The following BUB1 variants were observed in gnomAD, a reference collection of about 807,000 sequenced individuals.
The protein encoded by BUB1 is BUB1 mitotic checkpoint serine/threonine kinase, also known as mitotic checkpoint serine/threonine-protein kinase BUB1.
BUB1 carries 84 observed loss-of-function variants against 135.2 expected under a neutral mutation model. The observed-to-expected ratio is 0.62, with a 90% confidence interval of 0.52 to 0.74. The LOEUF is 0.74. BUB1 is among the 30% of genes least tolerant of loss of function. BUB1 has a pLI of 0.00. For missense variants in BUB1, 1,162 were observed against 1,288.3 expected (o/e 0.90, Z 1.50); for synonymous variants, 403 against 434.4 (o/e 0.93, Z 0.90).
chr2:110,653,820 A>G (rs933662463), intron 16 of BUB1, among the ~76,000 whole-genome samples: 2 of 152,050 alleles, frequency 1.3e-5, no homozygotes, highest in African/African-American at 4.8e-5. Flanking sequence ...GCTGAGCAAC[A>G]TAGTGAGACC....
Position 110,657,561 on chromosome 2 carries a change from T to G in BUB1, c.1601A>C (p.Asn534Thr). The change falls in exon 14 of 25, where the codon AAC becomes ACC. Residue 534 changes from asparagine to threonine, a missense_variant. Physicochemically the swap from Asn to Thr is moderately conservative, Grantham distance 65 (BLOSUM62 0). Coordinates refer to ENST00000302759, the MANE Select transcript of BUB1 (RefSeq NM_004336.5). ...SSAFHVFEDG[N>T]KENYGLPQPK... ...ATTTTTTTACCCATAATTTTCTTTGTTTCCATCTTCAAACACATGAAAAGC... is the reference window on the plus strand; with the variant it reads ...ATTTTTTTACCCATAATTTTCTTTGGTTCCATCTTCAAACACATGAAAAGC... 6.2e-7 allele frequency: 1 copy of G among 1,605,024 alleles called. No individual in the cohort carries two copies. The highest frequency in any genetic ancestry group is 8.5e-7 in the Non-Finnish European group (1 of 1,175,964).
intron 6 of BUB1, 100 bp from the exon 7 acceptor site, chr2:110,667,949 G>A: frequency 2.8e-6 from 3 of 1,070,930 alleles, no homozygotes; most frequent in Non-Finnish European, 1.4e-6. Flanking sequence ...AGGGGAAGAG[G>A]GACCTTAATC....
At chr2:110,643,249 GAA>G (rs1350748149) in intron 19 of BUB1, among the ~76,000 whole-genome samples, 1 of 152,144 alleles carries the variant, frequency 6.6e-6, no homozygotes, top group Non-Finnish European at 1.5e-5. Flanking sequence ...TGCCAAACTA[GAA>G]GCCCAGGAAC....
chr2:110,649,258 T>C lies in BUB1; in HGVS notation c.2323A>G (p.Lys775Glu), dbSNP rs1449377689. Residue 775 changes from lysine (K) to glutamate (E), a missense_variant, in exon 19 of 25, where the codon AAG (lysine) becomes GAG (glutamate). Transcript: ENST00000302759. ...FEWQCKLPAIKPKTEFQLGSK... is the reference protein window; with the variant it reads ...FEWQCKLPAIEPKTEFQLGSK... ...CCCAATTGAAATTCAGTCTTGGGCT[T>C]GATGGCTGGAAGTTTACATTGCCAT... is the stretch of plus-strand genomic sequence containing the variant. 5 of 1,611,864 alleles carry C rather than the reference T, an allele frequency of 3.1e-6. No individual in the cohort carries two copies. The highest frequency in any genetic ancestry group is 2.5e-6 in the Non-Finnish European group (3 of 1,179,130).
rs200264008 is a variant in BUB1, at chr2:110,659,931, T to C, written c.1276+47A>G. 51 of 1,510,412 alleles carry C rather than the reference T, an allele frequency of 3.4e-5. 1 individual carries two copies. In the East Asian group the frequency reaches 4.8e-4, roughly 14 times the overall value. 93.6% of individuals were successfully genotyped at this position (1,510,412 alleles called of 1,614,324 possible). On this transcript the variant is annotated intron_variant, in intron 11 of 24. Coordinates refer to ENST00000302759, the MANE Select transcript of BUB1 (RefSeq NM_004336.5). ...AGCCACAAAATACACCTCTGAGTGA[T>C]ACAGAGGAATCTGGACAGAAACACA...
Position 110,637,920 on chromosome 2 carries a change from T to G in BUB1, c.*44A>C. 2 of 1,291,940 alleles carry G rather than the reference T, an allele frequency of 1.5e-6. No homozygotes were observed. Among genetic ancestry groups the G allele is most frequent in the Non-Finnish European group, 2.0e-6 (2 of 980,808 alleles). The allele number at this position is 1,291,940 out of a possible 1,614,324, so 80.0% of individuals were successfully genotyped here. A position where few individuals can be genotyped will look rare whatever the true frequency, so the allele number is the denominator to read the frequency against. On this transcript the variant is annotated 3_prime_UTR_variant, in exon 25 of 25. Coordinates refer to ENST00000302759, the MANE Select transcript of BUB1 (RefSeq NM_004336.5). Reference sequence around the variant, plus strand: ...AAAAACAGGTTTAAAGTGAGCAGATTCATATTTACAGTGTGATTTTTAAGG... The same window carrying G: ...AAAAACAGGTTTAAAGTGAGCAGATGCATATTTACAGTGTGATTTTTAAGG...
At chr2:110,668,930 G>A (rs184775864) in intron 6 of BUB1, among the ~76,000 whole-genome samples, 95 of 152,312 alleles carry the variant, frequency 6.2e-4, no homozygotes, top group Admixed American at 2.3e-3. Flanking sequence ...ATAGTTTGGC[G>A]CTAGAGTGAA....
chr2:110,647,576 C>A lies in BUB1; in HGVS notation c.2347+1658G>T, dbSNP rs1689675252. The stretch of plus-strand genomic sequence containing the variant: ...ATGATTAAAAAAAAAACCCTCTCAG[C>A]AAACTAGGAATAGAGAGATACTTTC... On this transcript the variant is annotated intron_variant, in intron 19 of 24. Transcript: ENST00000302759. Among the ~76,000 whole-genome samples the A allele has an allele frequency of 2.0e-5, 3 of 151,600 alleles. No individual in the cohort carries two copies. The South Asian group carries it at 6.2e-4, about 32-fold the overall frequency.
intron 1 of BUB1, 142 bp from the exon 2 acceptor site, chr2:110,674,507 T>C: frequency 2.9e-6 from 2 of 684,414 alleles, no homozygotes; most frequent in Non-Finnish European, 4.9e-6. Flanking sequence ...ACCATTTATA[T>C]GCATTAAAAT....
In BUB1 at chr2:110,672,787, G is replaced by C; in HGVS notation, c.296C>G (p.Ser99Cys). 1 of 1,614,016 alleles carries C rather than the reference G, an allele frequency of 6.2e-7. No individual in the cohort carries two copies. Among genetic ancestry groups the C allele is most frequent in the Non-Finnish European group, 8.5e-7 (1 of 1,179,986 alleles). ...CCCCGCCCAGGCAATGTACAGAGGGGATGACAGGGTTCCAATCCCATGGTT... is the reference window on the plus strand; with the variant it reads ...CCCCGCCCAGGCAATGTACAGAGGGCATGACAGGGTTCCAATCCCATGGTT... ...LYNHGIGTLSSPLYIAWAGHL... is the reference protein window; with the variant it reads ...LYNHGIGTLSCPLYIAWAGHL... The change falls in exon 4 of 25, where the codon TCC becomes TGC. Residue 99 changes from serine to cysteine, a missense_variant. Transcript: ENST00000302759.
chr2:110,666,780 T>C (rs1416983197), intron 8 of BUB1, among the ~76,000 whole-genome samples: 1 of 152,180 alleles, frequency 6.6e-6, no homozygotes, highest in Non-Finnish European at 1.5e-5. Context: ...TTTTATAAGA[T>C]AAAAATTTCT....
At chr2:110,671,008 T>G (rs1013539738) in intron 4 of BUB1, among the ~76,000 whole-genome samples, 2 of 152,338 alleles carry the variant, frequency 1.3e-5, no homozygotes, top group Non-Finnish European at 2.9e-5. Context: ...TCATACTCTG[T>G]GAGAAGTTCT....
chr2:110,642,116 TACCTTTA>T lies in BUB1; in HGVS notation c.2459_2463+2del. The stretch of plus-strand genomic sequence containing the variant: ...CATACAAAAGACAACTCAGGTCATT[TACCTTTA>T]AAACAAATTTCTGTTTATTTTTAGC... On this transcript the variant is annotated splice_donor_variant and coding_sequence_variant, in exon 20 of 25. Coordinates refer to ENST00000302759, the MANE Select transcript of BUB1 (RefSeq NM_004336.5). LOFTEE classifies it high-confidence loss of function. The T allele has an allele frequency of 6.3e-7, 1 of 1,595,434 alleles. No individual in the cohort carries two copies. The highest frequency in any genetic ancestry group is 8.6e-7 in the Non-Finnish European group (1 of 1,168,562).
chr2:110,672,164 T>C (rs1023022402), intron 4 of BUB1, among the ~76,000 whole-genome samples: 1 of 152,126 alleles, frequency 6.6e-6, no homozygotes, highest in East Asian at 1.9e-4. Context: ...AAGTGGCAGG[T>C]TGCAGTGAGC....
chr2:110,669,669 T>C (rs1386272064), intron 5 of BUB1, 116 bp from the exon 6 acceptor site: 1 of 617,808 alleles, frequency 1.6e-6, no homozygotes, highest in African/African-American at 1.8e-5. Context: ...GTAAATCAAC[T>C]CATTCACACT....
rs755611734 is a variant in BUB1 at position 110,677,236 on chromosome 2, GAA to G, written c.26+732_26+733del. Among the ~76,000 whole-genome samples, 34 of 152,230 alleles carry G rather than the reference GAA, an allele frequency of 2.2e-4. 1 individual carries two copies. The highest frequency in any genetic ancestry group is 4.4e-4 in the Non-Finnish European group (30 of 68,042). On this transcript the variant is annotated intron_variant, in intron 1 of 24. Coordinates refer to ENST00000302759, the MANE Select transcript of BUB1 (RefSeq NM_004336.5). ...TTTGCTGGCTAGGTTGAAGGTTACAGAAAAAGTCTTAGAGCAAATGGATTTTT... is the reference window on the plus strand; with the variant it reads ...TTTGCTGGCTAGGTTGAAGGTTACAGAAAGTCTTAGAGCAAATGGATTTTT...
chr2:110,643,505 C>G (rs1689559497), intron 19 of BUB1, among the ~76,000 whole-genome samples: 1 of 152,158 alleles, frequency 6.6e-6, no homozygotes, highest in African/African-American at 2.4e-5. Context: ...CCTTTTAGCT[C>G]ATATATTAGG....
chr2:110,640,920 TCAACTGCTCCTCAAAAGA>T, intron 23 of BUB1, 96 bp downstream of exon 23: 1 of 1,103,178 alleles, frequency 9.1e-7, no homozygotes, highest in Non-Finnish European at 1.3e-6. Context: ...CATCTCTCCT[TCAACTGCTCCTCAAAAGA>T]CCACCTCAAA....
chr2:110,664,519 G>A (rs1690190420), intron 9 of BUB1, among the ~76,000 whole-genome samples: 1 of 151,032 alleles, frequency 6.6e-6, no homozygotes, highest in Non-Finnish European at 1.5e-5. Flanking sequence ...AAATAAAGAT[G>A]CTTTTAGACA....
Sources: gnomAD v4.1 joint callset for allele counts (sites outside exome capture counted in the v4.1 genomes callset) on GRCh38, gnomAD v4.1.1 for gene constraint, MANE v1.5 for transcripts, NCBI Gene and HGNC (gene_info 2026-07-23, HGNC 2026-07-21) for gene names.